ZNF880: variants seen among roughly 807,000 people sequenced by gnomAD.
ZNF880 encodes zinc finger protein 880.
A neutral mutation model predicts 11.8 loss-of-function variants in ZNF880; 12 were observed. The ratio of observed to expected loss-of-function variants is 1.02; its 90% confidence interval spans 0.65 to 1.65. The LOEUF (loss-of-function observed/expected upper bound fraction) is 1.65, where lower values mean the gene tolerates loss of function less well. Among genes scored for constraint, ZNF880 ranks in the 40% most tolerant of loss-of-function variants. ZNF880 has a pLI of 0.00. For synonymous variants in ZNF880, 210 were observed against 232.4 expected (o/e 0.90, Z 0.88); for missense variants, 601 against 673.9 (o/e 0.89, Z 1.20).
rs1212811867 is a variant in ZNF880, at chr19:52,385,245, G to A, written c.1665G>A (p.Lys555=). The A allele has an allele frequency of 6.4e-7, 1 of 1,551,822 alleles. No homozygotes were observed. The highest frequency in any genetic ancestry group is 1.2e-5 in the South Asian group (1 of 84,058). Residue 555 remains lysine (K), a synonymous_variant, in exon 4 of 4, where the codon AAG becomes AAA. Coordinates refer to ENST00000422689, the MANE Select transcript of ZNF880 (RefSeq NM_001145434.2). ...EKPYRCHECG[K]DFTRNSNLAN... is the part of the protein sequence containing the mutation. The stretch of plus-strand genomic sequence containing the variant: ...CGTACAGATGTCATGAATGTGGTAA[G>A]GACTTCACTCGAAATTCAAACCTGG...
upstream of ZNF880, among the ~76,000 whole-genome samples, chr19:52,368,519 G>A (rs527541095): frequency 6.6e-6 from 1 of 151,630 alleles, no homozygotes; most frequent in Non-Finnish European, 1.5e-5. Flanking sequence ...CTCTGTGGGG[G>A]AAAGCAGGGT....
intron 2 of ZNF880, 98 bp from the exon 3 acceptor site, chr19:52,374,201 C>A (rs955046551): frequency 7.1e-5 from 78 of 1,102,062 alleles, no homozygotes; most frequent in Non-Finnish European, 9.9e-5. Flanking sequence ...CCCGCCACCA[C>A]GCCCCGCTAA....
intron 3 of ZNF880, among the ~76,000 whole-genome samples, chr19:52,378,947 C>T (rs1422068724): frequency 1.3e-5 from 2 of 151,682 alleles, no homozygotes; most frequent in African/African-American, 2.4e-5. Flanking sequence ...TGGTGGTGCA[C>T]ACCTGTAGTC....
chr19:52,396,369 A>C, the ZNF880 span: 1 of 152,184 alleles, frequency 6.6e-6, no homozygotes, highest in African/African-American at 2.4e-5. Context: ...TAATACCTCG[A>C]CTGGCAGAAT....
At position 52,385,248 on chromosome 19, in the gene ZNF880, C is replaced by A; in HGVS notation, c.1668C>A (p.Asp556Glu). The A allele has an allele frequency of 6.4e-7, 1 of 1,551,840 alleles. No homozygotes were observed. Among genetic ancestry groups the A allele is most frequent in the South Asian group, 1.2e-5 (1 of 84,064 alleles). The change falls in exon 4 of 4, where the codon GAC (aspartate) becomes GAA (glutamate). Residue 556 changes from aspartate to glutamate, a missense_variant. By Grantham distance (45) the Asp-to-Glu change is conservative (BLOSUM62 2). Transcript: ENST00000422689. ...ACAGATGTCATGAATGTGGTAAGGA[C>A]TTCACTCGAAATTCAAACCTGGCAA... ...KPYRCHECGK[D>E]FTRNSNLANH... is the part of the protein sequence containing the mutation.
rs892097936 is a variant in ZNF880 at position 52,375,541 on chromosome 19, C to G, written c.268+1114C>G. 2.0e-4 allele frequency among the ~76,000 whole-genome samples: 31 copies of G among 152,120 alleles called. 1 individual carries two copies. Among genetic ancestry groups the G allele is most frequent in the Non-Finnish European group, 7.4e-5 (5 of 68,002 alleles). ...CAATAGGGTTTTGGGGAACAAGTGG[C>G]ATTTGGTTACGTAGATAAGTTCTTT... On this transcript the variant is annotated intron_variant, in intron 3 of 3. Transcript: ENST00000422689.
chr19:52,369,838 G>T, upstream of ZNF880: 1 of 1,235,460 alleles, frequency 8.1e-7, no homozygotes, highest in South Asian at 1.3e-5. Flanking sequence ...AAAACGAGAC[G>T]AGCTGGGAGC....
At chr19:52,369,062 G>GA (rs76182462), upstream of ZNF880, among the ~76,000 whole-genome samples, 92 of 142,370 alleles carry the variant, frequency 6.5e-4, no homozygotes, top group East Asian at 4.4e-3. Context: ...ATATAAATAT[G>GA]AAAAAAAAAA....
chr19:52,395,380 CTTGAG>C, the ZNF880 span: 2 of 152,164 alleles, frequency 1.3e-5, no homozygotes, highest in African/African-American at 4.8e-5. Context: ...GGTAGGTGAT[CTTGAG>C]TTGAGGAAGT....
chr19:52,383,543 A>G (rs529519464), intron 3 of ZNF880, among the ~76,000 whole-genome samples: 20 of 152,274 alleles, frequency 1.3e-4, no homozygotes, highest in Non-Finnish European at 2.2e-4. Flanking sequence ...CAGCTGCTCT[A>G]AAAGTTCTGA....
upstream of ZNF880, chr19:52,366,869 G>C: frequency 1.1e-6 from 1 of 906,838 alleles, no homozygotes; most frequent in South Asian, 1.7e-5. Flanking sequence ...AATTTAGTTT[G>C]CATTGAAGCC....
Position 52,384,393 on chromosome 19 carries a change from T to G in ZNF880, c.813T>G (p.His271Gln). The part of the protein sequence containing the change: ...IHTGEKPYKC[H>Q]ECGKVFTQNS... ...CTGGAGAGAAACCTTACAAATGTCA[T>G]GAGTGTGGCAAAGTCTTCACTCAAA... The change falls in exon 4 of 4, where the codon CAT becomes CAG. Residue 271 changes from histidine to glutamine, a missense_variant. This residue lies in a region of ZNF880 where 420 missense variants were observed against 442.6 expected (regional missense o/e 0.95). Coordinates refer to ENST00000422689, the MANE Select transcript of ZNF880 (RefSeq NM_001145434.2). 1 of 1,613,800 alleles carries G rather than the reference T, an allele frequency of 6.2e-7. No homozygotes were observed. The highest frequency in any genetic ancestry group is 8.5e-7 in the Non-Finnish European group (1 of 1,179,870).
intron 3 of ZNF880, chr19:52,379,671 C>A: frequency 4.2e-6 from 1 of 237,642 alleles, no homozygotes; most frequent in Non-Finnish European, 8.5e-6. Flanking sequence ...ACTGCTCTTC[C>A]CAGCTCAGGT....
rs1241618459 is a variant in ZNF880 at position 52,384,354 on chromosome 19, T to TC, written c.775dup (p.Gln259ProfsTer14). The TC allele has an allele frequency of 1.9e-6, 3 of 1,613,676 alleles. No homozygotes were observed. Among genetic ancestry groups the TC allele is most frequent in the Non-Finnish European group, 2.5e-6 (3 of 1,179,766 alleles). On this transcript the variant is annotated frameshift_variant, in exon 4 of 4. Coordinates refer to ENST00000422689, the MANE Select transcript of ZNF880 (RefSeq NM_001145434.2). LOFTEE classifies it low-confidence loss of function (END_TRUNC). Reference sequence around the variant, plus strand: ...ATCGAATTTCACTCCTTGCACGACATCAGAGAATACATACTGGAGAGAAAC... The same window carrying TC: ...ATCGAATTTCACTCCTTGCACGACATCCAGAGAATACATACTGGAGAGAAAC...
the ZNF880 span, chr19:52,394,901 A>G: frequency 6.6e-6 from 1 of 152,504 alleles, no homozygotes; most frequent in African/African-American, 2.4e-5. Flanking sequence ...ACACATCACC[A>G]CTGTCTCTGT....
upstream of ZNF880, among the ~76,000 whole-genome samples, chr19:52,368,507 G>A (rs1600243875): frequency 1.3e-5 from 2 of 152,080 alleles, no homozygotes; most frequent in East Asian, 1.9e-4. Context: ...TATATAATGA[G>A]GCTCTGTGGG....
At chr19:52,391,911 C>G in the ZNF880 span, among the ~76,000 whole-genome samples, 2,124 of 152,250 alleles carry the variant, frequency 0.014, 30 homozygotes, top group Middle Eastern at 0.031. Context: ...AGTGAATGCT[C>G]AACACAGAAT....
chr19:52,372,876 C>G (rs1986423508), intron 1 of ZNF880, among the ~76,000 whole-genome samples: 1 of 140,938 alleles, frequency 7.1e-6, no homozygotes, highest in African/African-American at 2.7e-5. Context: ...CGCCACTGCA[C>G]TCCAGCTTGG....
chr19:52,386,608 C>A (rs1986893018), downstream of ZNF880, among the ~76,000 whole-genome samples: 1 of 142,590 alleles, frequency 7.0e-6, no homozygotes, highest in South Asian at 2.2e-4. Context: ...TTGAGACCAG[C>A]CTGGTCAATA....
Sources: gnomAD v4.1 joint callset for allele counts (sites outside exome capture counted in the v4.1 genomes callset) on GRCh38, gnomAD v4.1.1 for gene constraint, gnomAD v4.1.1 regional missense constraint, MANE v1.5 for transcripts, NCBI Gene and HGNC (gene_info 2026-07-23, HGNC 2026-07-21) for gene names.